Variants in IL34 observed in about 807,000 individuals in gnomAD.
IL34 encodes the protein interleukin 34, also known as interleukin-34.
A neutral mutation model predicts 25.3 loss-of-function variants in IL34; 17 were observed. That is an observed-to-expected ratio of 0.67 (90% CI 0.46 to 1.01). The LOEUF is 1.01. IL34 is among the 50% of genes least tolerant of loss of function. The probability of loss-of-function intolerance (pLI) is 0.00; values close to 1 mark genes in which losing one functional copy is unlikely to be tolerated. For missense variants in IL34, 368 were observed against 312.9 expected, an observed-to-expected ratio of 1.18 and a Z score of -1.33; for synonymous variants, 174 against 140.9, an observed-to-expected ratio of 1.23 and a Z score of -1.66.
chr16:70,645,526 C>G (rs1161625904), upstream of IL34, among the ~76,000 whole-genome samples: 3 of 152,184 alleles, frequency 2.0e-5, no homozygotes, highest in African/African-American at 7.2e-5. Context: ...TGGTCCAGAC[C>G]TTGCAGAGTC....
chr16:70,645,115 A>G (rs1439761634), upstream of IL34, among the ~76,000 whole-genome samples: 4 of 125,410 alleles, frequency 3.2e-5, no homozygotes, highest in African/African-American at 8.6e-5. Flanking sequence ...AAGAGGAGGA[A>G]GAAGAGGGAG....
chr16:70,654,774 C>T (rs2052172209), intron 2 of IL34, 103 bp downstream of exon 2: 2 of 1,401,686 alleles, frequency 1.4e-6, no homozygotes. Flanking sequence ...TGTGTCAGCC[C>T]TGAGCCGACC....
chr16:70,621,219 C>T (rs2051274706), intron 1 of IL34, among the ~76,000 whole-genome samples: 1 of 152,084 alleles, frequency 6.6e-6, no homozygotes, highest in South Asian at 2.1e-4. Flanking sequence ...GGTCTGACAC[C>T]CTTGAAGCGT....
chr16:70,582,266 C>G (rs2050643880), intron 1 of IL34, among the ~76,000 whole-genome samples: 1 of 152,266 alleles, frequency 6.6e-6, no homozygotes, highest in African/African-American at 2.4e-5. Context: ...TCATCCCCCT[C>G]TGTTGTCACA....
Position 70,653,640 on chromosome 16 carries a change from A to G in IL34, c.29-898A>G, listed in dbSNP as rs547520105. On this transcript the variant is annotated intron_variant, in intron 1 of 5. Coordinates refer to ENST00000288098, the MANE Select transcript of IL34 (RefSeq NM_001393494.1). ...TTGAGTCTGGGAGTTCTAGGATGCA[A>G]TGAGCCATGATCCCACTACTGCACT... is the stretch of plus-strand genomic sequence containing the variant. 2.0e-5 allele frequency among the ~76,000 whole-genome samples: 3 copies of G among 151,542 alleles called. No individual in the cohort carries two copies. In the East Asian group the frequency reaches 5.8e-4, roughly 29 times the overall value.
intron 1 of IL34, among the ~76,000 whole-genome samples, chr16:70,650,257 T>C (rs1208014356): frequency 6.6e-6 from 1 of 152,126 alleles, no homozygotes; most frequent in South Asian, 2.1e-4. Flanking sequence ...GGTCCCTGTT[T>C]GTTAACCTGT....
At chr16:70,645,183 AAGG>A (rs149029030), upstream of IL34, among the ~76,000 whole-genome samples, 188 of 151,674 alleles carry the variant, frequency 1.2e-3, 1 homozygote, top group East Asian at 0.024. Flanking sequence ...GAAGGAGGAA[AAGG>A]AGGAAGGACA....
chr16:70,647,986 G>A (rs1308388307), intron 1 of IL34, among the ~76,000 whole-genome samples: 1 of 152,226 alleles, frequency 6.6e-6, no homozygotes, highest in Non-Finnish European at 1.5e-5. Flanking sequence ...GTTCCAGGAA[G>A]AGGGGCCAGT....
chr16:70,644,357 C>T (rs563704851), upstream of IL34, among the ~76,000 whole-genome samples: 2 of 152,280 alleles, frequency 1.3e-5, no homozygotes, highest in East Asian at 3.9e-4. Flanking sequence ...TGAGACACTG[C>T]ACCCAGCCAG....
intron 1 of IL34, among the ~76,000 whole-genome samples, chr16:70,619,029 G>C: frequency 6.6e-6 from 1 of 152,128 alleles, no homozygotes; most frequent in African/African-American, 2.4e-5. Context: ...GGCACCACGG[G>C]GTGGATAGGC....
intron 1 of IL34, among the ~76,000 whole-genome samples, chr16:70,585,936 C>G (rs1200989129): frequency 6.6e-6 from 1 of 151,534 alleles, no homozygotes; most frequent in Non-Finnish European, 1.5e-5. Context: ...CAGGTTCACG[C>G]CATTCTCCTG....
intron 1 of IL34, 95 bp downstream of exon 1, chr16:70,647,070 G>C (rs1216452036): frequency 8.7e-7 from 1 of 1,146,802 alleles, no homozygotes; most frequent in Non-Finnish European, 1.2e-6. Flanking sequence ...ATTCTTGCTG[G>C]TGAGAAGTTG....
chr16:70,617,882 G>C lies in IL34; in HGVS notation c.-400-28666G>C, dbSNP rs1422325561. On this transcript the variant is annotated intron_variant, in intron 1 of 6. Coordinates refer to the IL34 transcript ENST00000429149. ...TGACAGAAGGGAAGAAATGACTGCG[G>C]TGGCCTTCTCAGACCCTGTAGGAAA... Among the ~76,000 whole-genome samples, 7 of 152,052 alleles carry C rather than the reference G, an allele frequency of 4.6e-5. No individual in the cohort carries two copies. The East Asian group carries it at 9.7e-4, about 21-fold the overall frequency.
At chr16:70,594,935 A>ATCTC (rs1195224912) in intron 1 of IL34, among the ~76,000 whole-genome samples, 12 of 145,278 alleles carry the variant, frequency 8.3e-5, no homozygotes, top group Admixed American at 4.8e-4. Context: ...ATTTCAATTT[A>ATCTC]TCTCTCTCTC....
Position 70,585,132 on chromosome 16 carries a change from G to A in IL34, c.-401+5083G>A, listed in dbSNP as rs570885739. On this transcript the variant is annotated intron_variant, in intron 1 of 6. Transcript: ENST00000429149. ...CCCCATTTCCCTACCCCCAACCTCT[G>A]GGCACCACCTTTCAGATGTCTGTCT... Among the ~76,000 whole-genome samples, 18 of 152,190 alleles carry A rather than the reference G, an allele frequency of 1.2e-4. No homozygotes were observed. The South Asian group carries it at 1.7e-3, about 14-fold the overall frequency.
At chr16:70,608,423 C>A in intron 1 of IL34, among the ~76,000 whole-genome samples, 1 of 152,226 alleles carries the variant, frequency 6.6e-6, no homozygotes, top group African/African-American at 2.4e-5. Context: ...CCACCACGAC[C>A]GGCCTTGATT....
At chr16:70,630,025 C>T (rs549771088) in intron 1 of IL34, among the ~76,000 whole-genome samples, 13 of 152,318 alleles carry the variant, frequency 8.5e-5, no homozygotes, top group African/African-American at 3.1e-4. Context: ...CTTCCAGCCT[C>T]TGGTAACTGT....
chr16:70,656,720 C>A, intron 3 of IL34, 41 bp downstream of exon 3: 1 of 1,035,078 alleles, frequency 9.7e-7, no homozygotes, highest in East Asian at 2.4e-5. Flanking sequence ...CTGCCTCCTG[C>A]GACATCCGGT....
At chr16:70,643,982 T>G (rs1459109032), upstream of IL34, among the ~76,000 whole-genome samples, 2 of 152,186 alleles carry the variant, frequency 1.3e-5, no homozygotes, top group Non-Finnish European at 2.9e-5. Flanking sequence ...ATCATTTTTT[T>G]CTTTTGTTTT....
Sources: allele counts gnomAD v4.1 joint callset (sites outside exome capture counted in the v4.1 genomes callset), GRCh38; gene constraint gnomAD v4.1.1; transcripts MANE v1.5; gene names NCBI Gene and HGNC (gene_info 2026-07-23, HGNC 2026-07-21).